NELL1: variants seen among roughly 807,000 people sequenced by gnomAD.
NELL1 encodes protein kinase C-binding protein NELL1.
NELL1 carries 76 observed loss-of-function variants against 107.4 expected under a neutral mutation model. That is an observed-to-expected ratio of 0.71 (90% CI 0.59 to 0.86). The LOEUF is 0.86. Ranked by LOEUF, NELL1 falls within the 40% of genes least tolerant of loss-of-function variation. NELL1 has a pLI of 0.00. For missense variants in NELL1, 1,024 were observed against 1,005.5 expected, an observed-to-expected ratio of 1.02 and a Z score of -0.25; for synonymous variants, 353 against 341.2, an observed-to-expected ratio of 1.03 and a Z score of -0.38.
intron 15 of NELL1, among the ~76,000 whole-genome samples, chr11:21,424,772 A>G (rs1852777952): frequency 6.6e-6 from 1 of 152,214 alleles, no homozygotes; most frequent in Non-Finnish European, 1.5e-5. Flanking sequence ...GAATAAACCT[A>G]TAACAAATGA....
chr11:21,074,383 A>G (rs989104015), intron 12 of NELL1, among the ~76,000 whole-genome samples: 2 of 152,072 alleles, frequency 1.3e-5, no homozygotes, highest in Non-Finnish European at 2.9e-5. Flanking sequence ...AAATTTAATT[A>G]AAACATTTTT....
At chr11:20,798,916 G>A (rs1036866237) in intron 3 of NELL1, among the ~76,000 whole-genome samples, 8 of 114,702 alleles carry the variant, frequency 7.0e-5, no homozygotes, top group East Asian at 3.2e-4. Context: ...AGCAGCGAAG[G>A]TGTGTAAGGG....
chr11:21,007,365 G>A (rs1852350925), intron 12 of NELL1, among the ~76,000 whole-genome samples: 2 of 149,964 alleles, frequency 1.3e-5, no homozygotes, highest in African/African-American at 4.9e-5. Context: ...CAACCAATGT[G>A]TATGTGTATG....
At chr11:21,173,821 A>G (rs1856657170) in intron 13 of NELL1, among the ~76,000 whole-genome samples, 1 of 151,596 alleles carries the variant, frequency 6.6e-6, no homozygotes, top group Admixed American at 6.6e-5. Context: ...ATTCAGTGGA[A>G]GACCTGACCT....
At chr11:21,506,347 G>A (rs531421789) in intron 15 of NELL1, among the ~76,000 whole-genome samples, 2 of 152,096 alleles carry the variant, frequency 1.3e-5, no homozygotes, top group African/African-American at 2.4e-5. Context: ...GCTTACCACT[G>A]CCCCAAGTCA....
At chr11:21,121,618 G>A (rs1855369634) in intron 13 of NELL1, among the ~76,000 whole-genome samples, 1 of 152,120 alleles carries the variant, frequency 6.6e-6, no homozygotes, top group African/African-American at 2.4e-5. Context: ...CACTTAAAAT[G>A]ACTGAGACAT....
chr11:20,689,271 T>TTTTTTTA (rs922891790), intron 2 of NELL1, among the ~76,000 whole-genome samples: 2 of 95,390 alleles, frequency 2.1e-5, no homozygotes, highest in African/African-American at 4.6e-5. Flanking sequence ...GCAGAAGCCC[T>TTTTTTTA]TTTTTTATTT....
At chr11:21,172,616 A>C (rs1376634920) in intron 13 of NELL1, among the ~76,000 whole-genome samples, 2 of 151,758 alleles carry the variant, frequency 1.3e-5, no homozygotes, top group African/African-American at 4.9e-5. Flanking sequence ...GATTAATCCC[A>C]TGGGCTATTT....
chr11:20,970,254 T>G (rs1851472502), intron 12 of NELL1, among the ~76,000 whole-genome samples: 1 of 152,190 alleles, frequency 6.6e-6, no homozygotes, highest in African/African-American at 2.4e-5. Flanking sequence ...GCTGGAATTA[T>G]GCAGTATAAA....
intron 15 of NELL1, among the ~76,000 whole-genome samples, chr11:21,532,787 G>A (rs1450715364): frequency 2.6e-5 from 4 of 152,126 alleles, no homozygotes; most frequent in Admixed American, 2.0e-4. Flanking sequence ...TGTGTCTCTT[G>A]CCTGGTATTC....
intron 13 of NELL1, among the ~76,000 whole-genome samples, chr11:21,176,315 G>C (rs1856710820): frequency 6.6e-6 from 1 of 151,856 alleles, no homozygotes; most frequent in African/African-American, 2.4e-5. Context: ...AATGAAGAGA[G>C]CTGAAATTGT....
intron 13 of NELL1, among the ~76,000 whole-genome samples, chr11:21,206,740 TG>T (rs1243951307): frequency 6.6e-6 from 1 of 152,226 alleles, no homozygotes; most frequent in Non-Finnish European, 1.5e-5. Flanking sequence ...TTGCTTTTTT[TG>T]TCCCTCATCT....
intron 16 of NELL1, among the ~76,000 whole-genome samples, chr11:21,540,847 G>A (rs1359823664): frequency 2.0e-5 from 3 of 151,890 alleles, no homozygotes; most frequent in Non-Finnish European, 4.4e-5. Context: ...CATATCACTG[G>A]CTTATTTCAT....
intron 14 of NELL1, among the ~76,000 whole-genome samples, chr11:21,296,042 T>C (rs1034572429): frequency 2.4e-4 from 36 of 152,110 alleles, no homozygotes; most frequent in African/African-American, 7.2e-4. Context: ...ACACAATAGA[T>C]GTAAATGAAT....
chr11:21,531,141 C>A (rs918539684), intron 15 of NELL1, among the ~76,000 whole-genome samples: 1 of 152,046 alleles, frequency 6.6e-6, no homozygotes, highest in Non-Finnish European at 1.5e-5. Flanking sequence ...TTGTTTGAAA[C>A]TTTAACTATT....
intron 3 of NELL1, among the ~76,000 whole-genome samples, chr11:20,841,355 T>C (rs1161207228): frequency 6.7e-6 from 1 of 149,972 alleles, no homozygotes; most frequent in Non-Finnish European, 1.5e-5. Context: ...GCTACTCATG[T>C]GGTCCCTCCT....
intron 15 of NELL1, among the ~76,000 whole-genome samples, chr11:21,403,760 G>A (rs1023147975): frequency 6.6e-6 from 1 of 151,744 alleles, no homozygotes; most frequent in Non-Finnish European, 1.5e-5. Flanking sequence ...AAGGAAGAAT[G>A]GATGTTGGGC....
intron 14 of NELL1, among the ~76,000 whole-genome samples, chr11:21,358,353 C>G (rs970783519): frequency 6.6e-6 from 1 of 151,844 alleles, no homozygotes; most frequent in Non-Finnish European, 1.5e-5. Flanking sequence ...TTGTAGAGGT[C>G]TTTCACCTCC....
At chr11:20,671,664 C>T (rs1853913097) in intron 1 of NELL1, among the ~76,000 whole-genome samples, 1 of 152,014 alleles carries the variant, frequency 6.6e-6, no homozygotes, top group Non-Finnish European at 1.5e-5. Context: ...TGCTGGGTGC[C>T]AGGATTTCTT....
Sources: gnomAD v4.1 joint callset for allele counts (sites outside exome capture counted in the v4.1 genomes callset) on GRCh38, gnomAD v4.1.1 for gene constraint, MANE v1.5 for transcripts, NCBI Gene and HGNC (gene_info 2026-07-23, HGNC 2026-07-21) for gene names.